The following CNTN5 variants were observed in gnomAD, a reference collection of about 807,000 sequenced individuals.
The protein encoded by CNTN5 is contactin-5.
A neutral mutation model predicts 129.1 loss-of-function variants in CNTN5; 77 were observed. That is an observed-to-expected ratio of 0.60 (90% CI 0.50 to 0.72). The LOEUF is 0.72. Ranked by LOEUF, CNTN5 falls within the 30% of genes least tolerant of loss-of-function variation. The pLI is 0.00. For synonymous variants in CNTN5, 509 were observed against 465.6 expected, an observed-to-expected ratio of 1.09 and a Z score of -1.20; for missense variants, 1,478 against 1,328.8, an observed-to-expected ratio of 1.11 and a Z score of -1.75.
intron 18 of CNTN5, among the ~76,000 whole-genome samples, chr11:100,285,868 C>T (rs1950772099): frequency 6.6e-6 from 1 of 152,154 alleles, no homozygotes; most frequent in Non-Finnish European, 1.5e-5. Context: ...CTAGGGAGTG[C>T]CAGACAGTGG....
chr11:100,280,559 A>G (rs1408158526), intron 18 of CNTN5, among the ~76,000 whole-genome samples: 1 of 151,910 alleles, frequency 6.6e-6, no homozygotes, highest in Non-Finnish European at 1.5e-5. Context: ...TGTGTTTTCA[A>G]TCTATGAGTG....
intron 9 of CNTN5, among the ~76,000 whole-genome samples, chr11:100,039,801 C>A (rs1273885704): frequency 6.6e-6 from 1 of 152,178 alleles, no homozygotes; most frequent in African/African-American, 2.4e-5. Context: ...AGCTCTCATG[C>A]CTTGGTTTTC....
chr11:99,370,380 C>T (rs755082961), intron 2 of CNTN5, among the ~76,000 whole-genome samples: 1 of 152,294 alleles, frequency 6.6e-6, no homozygotes, highest in African/African-American at 2.4e-5. Context: ...TTTGTAGTCA[C>T]ATTTCAATTG....
At chr11:99,857,359 AC>A (rs1193422605) in intron 6 of CNTN5, among the ~76,000 whole-genome samples, 1 of 152,178 alleles carries the variant, frequency 6.6e-6, no homozygotes, top group Non-Finnish European at 1.5e-5. Flanking sequence ...ATCCTCCAGT[AC>A]CACAGTAGCC....
chr11:99,871,288 CAG>C (rs1948497399), intron 6 of CNTN5, among the ~76,000 whole-genome samples: 1 of 151,864 alleles, frequency 6.6e-6, no homozygotes, highest in African/African-American at 2.4e-5. Context: ...TTTAAATAAT[CAG>C]AGCTCTACAA....
At chr11:100,115,136 A>AAAAAAG (rs1555012585) in intron 13 of CNTN5, among the ~76,000 whole-genome samples, 8 of 150,174 alleles carry the variant, frequency 5.3e-5, no homozygotes, top group African/African-American at 2.0e-4. Context: ...AAAAAAAAAA[A>AAAAAAG]AAAGAAAGAA....
intron 1 of CNTN5, among the ~76,000 whole-genome samples, chr11:99,265,240 A>G (rs1252013687): frequency 6.6e-6 from 1 of 152,070 alleles, no homozygotes; most frequent in East Asian, 1.9e-4. Flanking sequence ...ATGTAGCACT[A>G]TAAAAACAGG....
At chr11:99,121,524 T>C (rs1477616535) in intron 1 of CNTN5, among the ~76,000 whole-genome samples, 1 of 152,222 alleles carries the variant, frequency 6.6e-6, no homozygotes, top group Non-Finnish European at 1.5e-5. Flanking sequence ...TGTAGGATTA[T>C]TGGGTTGTCT....
intron 4 of CNTN5, among the ~76,000 whole-genome samples, chr11:99,822,023 G>A (rs1411368109): frequency 6.6e-6 from 1 of 152,038 alleles, no homozygotes; most frequent in East Asian, 1.9e-4. Flanking sequence ...CTTTTTCTCT[G>A]ACAAGAGTCT....
At chr11:99,462,360 C>CTTTTTTTTTTTTTTTTTTTCTT (rs72276833) in intron 2 of CNTN5, among the ~76,000 whole-genome samples, 1 of 125,284 alleles carries the variant, frequency 8.0e-6, no homozygotes, top group African/African-American at 2.9e-5. Context: ...CTTTTCTTTT[C>CTTTTTTTTTTTTTTTTTTTCTT]TTTTTTTTTT....
intron 9 of CNTN5, among the ~76,000 whole-genome samples, chr11:100,023,084 T>G (rs1322952817): frequency 6.6e-6 from 1 of 152,196 alleles, no homozygotes; most frequent in African/African-American, 2.4e-5. Flanking sequence ...AAGGAAGTTT[T>G]TCTATTCTCC....
intron 13 of CNTN5, among the ~76,000 whole-genome samples, chr11:100,169,543 C>T (rs530995200): frequency 2.6e-4 from 39 of 152,064 alleles, no homozygotes; most frequent in Admixed American, 5.9e-4. Flanking sequence ...GCTCAGATTA[C>T]GGTTAGCGTT....
chr11:100,236,915 C>T (rs1355651689), intron 16 of CNTN5, among the ~76,000 whole-genome samples: 1 of 152,096 alleles, frequency 6.6e-6, no homozygotes, highest in Non-Finnish European at 1.5e-5. Context: ...CTCCGCTGGG[C>T]GCGGTGGCTC....
At chr11:99,483,097 A>T (rs1030691329) in intron 2 of CNTN5, among the ~76,000 whole-genome samples, 4 of 140,564 alleles carry the variant, frequency 2.8e-5, no homozygotes, top group African/African-American at 1.1e-4. Flanking sequence ...AATGGCGTGA[A>T]CCCGGGAGGT....
At chr11:99,595,417 C>T (rs1950096037) in intron 3 of CNTN5, among the ~76,000 whole-genome samples, 1 of 152,034 alleles carries the variant, frequency 6.6e-6, no homozygotes, top group East Asian at 1.9e-4. Context: ...TTTCCTTACC[C>T]ATAACTCAGT....
intron 3 of CNTN5, among the ~76,000 whole-genome samples, chr11:99,773,054 G>A (rs1038909630): frequency 4.6e-5 from 7 of 151,882 alleles, no homozygotes; most frequent in African/African-American, 1.7e-4. Context: ...CATAACTGTG[G>A]AACCAACAAC....
chr11:100,153,336 G>T (rs1464683696), intron 13 of CNTN5, among the ~76,000 whole-genome samples: 1 of 152,016 alleles, frequency 6.6e-6, no homozygotes, highest in Admixed American at 6.6e-5. Context: ...TATTCTTGGA[G>T]TACAAGTACT....
chr11:99,321,912 A>T (rs1163166308), intron 1 of CNTN5, among the ~76,000 whole-genome samples: 1 of 152,120 alleles, frequency 6.6e-6, no homozygotes, highest in South Asian at 2.1e-4. Flanking sequence ...CAGTGTGCTT[A>T]TACTACAATG....
At chr11:100,272,693 G>A (rs1429443857) in intron 18 of CNTN5, among the ~76,000 whole-genome samples, 2 of 152,098 alleles carry the variant, frequency 1.3e-5, no homozygotes, top group African/African-American at 4.8e-5. Flanking sequence ...CTGATTGGGG[G>A]AAAACGTTGG....
Sources: gnomAD v4.1 joint callset for allele counts (sites outside exome capture counted in the v4.1 genomes callset) on GRCh38, gnomAD v4.1.1 for gene constraint, MANE v1.5 for transcripts, NCBI Gene and HGNC (gene_info 2026-07-23, HGNC 2026-07-21) for gene names.